Variants in PTPRN2 observed in about 807,000 individuals in gnomAD.
PTPRN2 encodes receptor-type tyrosine-protein phosphatase N2.
Under a neutral mutation model 118.8 loss-of-function variants are expected in PTPRN2, and 74 were observed. The observed-to-expected ratio is 0.62, with a 90% CI of 0.52 to 0.76. The LOEUF (loss-of-function observed/expected upper bound fraction) is 0.76, where lower values mean the gene tolerates loss of function less well. Among genes scored for constraint, PTPRN2 ranks in the 30% least tolerant of loss-of-function variants. PTPRN2 has a pLI of 0.00. For synonymous variants in PTPRN2, 641 were observed against 608.0 expected (o/e 1.05, Z -0.80); for missense variants, 1,481 against 1,394.4 (o/e 1.06, Z -0.99).
chr7:158,582,460 C>A (rs10242842), intron 1 of PTPRN2, among the ~76,000 whole-genome samples: 4 of 151,860 alleles, frequency 2.6e-5, no homozygotes, highest in Non-Finnish European at 5.9e-5. Flanking sequence ...TGGCTATGCA[C>A]GTAATCCCAG....
At chr7:158,126,234 G>C (rs10226569) in intron 9 of PTPRN2, among the ~76,000 whole-genome samples, 1 of 10,872 alleles carries the variant, frequency 9.2e-5, no homozygotes, top group Admixed American at 8.6e-4. Flanking sequence ...CATCCCCGGA[G>C]AGCGGGCGGC....
chr7:158,259,678 A>G (rs1047429489), intron 3 of PTPRN2, among the ~76,000 whole-genome samples: 1 of 152,064 alleles, frequency 6.6e-6, no homozygotes, highest in Non-Finnish European at 1.5e-5. Flanking sequence ...ACATGTATAT[A>G]TGCATGTGTT....
intron 13 of PTPRN2, among the ~76,000 whole-genome samples, chr7:157,664,157 A>G (rs1412759440): frequency 1.3e-5 from 2 of 152,264 alleles, no homozygotes; most frequent in Non-Finnish European, 2.9e-5. Flanking sequence ...ATTGAAAAGT[A>G]GCATCCACAC....
At chr7:157,572,605 T>C (rs564630712) in intron 19 of PTPRN2, among the ~76,000 whole-genome samples, 75 of 152,310 alleles carry the variant, frequency 4.9e-4, no homozygotes, top group African/African-American at 1.8e-3. Context: ...ACCACAGAGC[T>C]TTCTCCTCCT....
rs892261744 is a variant in PTPRN2, at chr7:158,310,379, G to A, written c.277+6440C>T. Among the ~76,000 whole-genome samples, 32 of 152,266 alleles carry A rather than the reference G, an allele frequency of 2.1e-4. 1 individual carries two copies. The highest frequency in any genetic ancestry group is 1.8e-3 in the Admixed American group (27 of 15,288). On this transcript the variant is annotated intron_variant, in intron 3 of 22. Coordinates refer to ENST00000389418, the MANE Select transcript of PTPRN2 (RefSeq NM_002847.5). ...TGGGAGGATGCAGACAGAGCATTCT[G>A]TGAGGCCTGGGAAAGGAGGAACACA...
intron 11 of PTPRN2, among the ~76,000 whole-genome samples, chr7:158,014,411 C>G (rs543860652): frequency 1.6e-4 from 24 of 151,850 alleles, no homozygotes; most frequent in Admixed American, 8.5e-4. Flanking sequence ...ACCCATTCAT[C>G]AAACAATCCA....
intron 11 of PTPRN2, among the ~76,000 whole-genome samples, chr7:158,013,730 CTCATCCACCCACCCGCCCAT>C (rs1475049217): frequency 3.3e-5 from 1 of 30,020 alleles, no homozygotes; most frequent in Non-Finnish European, 7.1e-5. Flanking sequence ...CAGCCACCCA[CTCATCCACCCACCCGCCCAT>C]CCATCCATCC....
intron 3 of PTPRN2, among the ~76,000 whole-genome samples, chr7:158,215,700 G>C (rs1827906406): frequency 6.6e-6 from 1 of 152,092 alleles, no homozygotes; most frequent in Non-Finnish European, 1.5e-5. Flanking sequence ...AGGCCACAAG[G>C]AAACAGCACA....
rs181517375 is a variant in PTPRN2 at position 157,539,580 on chromosome 7, G to T, written c.*1134C>A. ...AATCCGAATCATCTCTACGTGCTTA[G>T]GTTTACATGATGTCAAAACACGTGG... On this transcript the variant is annotated 3_prime_UTR_variant, in exon 23 of 23. Transcript: ENST00000389418. 1.9e-4 allele frequency: 29 copies of T among 152,342 alleles called. No individual in the cohort carries two copies. Among genetic ancestry groups the T allele is most frequent in the Admixed American group, 1.8e-3 (27 of 15,302 alleles). 9.4% of individuals were successfully genotyped at this position (152,342 alleles called of 1,614,324 possible). A position where few individuals can be genotyped will look rare whatever the true frequency, so the allele number is the denominator to read the frequency against.
chr7:158,028,116 T>G (rs1462947143), intron 11 of PTPRN2: 2 of 152,218 alleles, frequency 1.3e-5, no homozygotes, highest in Non-Finnish European at 2.9e-5. Flanking sequence ...CAGACAAGAA[T>G]CAGGGCCCAA....
chr7:157,658,264 A>T (rs1048618633), intron 13 of PTPRN2, among the ~76,000 whole-genome samples: 1 of 152,026 alleles, frequency 6.6e-6, no homozygotes, highest in African/African-American at 2.4e-5. Flanking sequence ...AAAAAGAAGA[A>T]CCTCATTCTG....
intron 12 of PTPRN2, among the ~76,000 whole-genome samples, chr7:157,723,299 C>T (rs566576863): frequency 6.6e-6 from 1 of 152,284 alleles, no homozygotes; most frequent in Non-Finnish European, 1.5e-5. Context: ...TCTGGTCTGG[C>T]CTGGCCTGAG....
At chr7:157,947,611 T>C (rs557495290) in intron 11 of PTPRN2, among the ~76,000 whole-genome samples, 5 of 152,304 alleles carry the variant, frequency 3.3e-5, no homozygotes, top group African/African-American at 1.2e-4. Flanking sequence ...TGGGCGAGAC[T>C]GGCTTTCCAG....
At chr7:158,114,329 C>G (rs1041668862) in intron 9 of PTPRN2, among the ~76,000 whole-genome samples, 8 of 152,168 alleles carry the variant, frequency 5.3e-5, no homozygotes, top group African/African-American at 1.7e-4. Flanking sequence ...CTGTGTTTCT[C>G]GTGGGTTCCC....
intron 10 of PTPRN2, 92 bp downstream of exon 10, chr7:158,110,709 TCTAAACAGGTTCCCTCATGTAATTAACA>T: frequency 2.1e-6 from 2 of 938,072 alleles, no homozygotes; most frequent in Non-Finnish European, 3.3e-6. Context: ...CTTTCACTTC[TCTAAACAGGTTCCCTCATGTAATTAACA>T]AGAGCCATGG....
chr7:158,015,007 T>C lies in PTPRN2; in HGVS notation c.1723+66291A>G, dbSNP rs892737. ...TTTTTAAGAGAATAAGAACTTCTCC[T>C]GAATATCATCTTTTCCCTTTTTGCT... is the stretch of plus-strand genomic sequence containing the variant. On this transcript the variant is annotated intron_variant, in intron 11 of 22. Transcript: ENST00000389418. The surrounding 1 kb of genome is among the most constrained non-coding windows in gnomAD (Gnocchi z 4.2). Among the ~76,000 whole-genome samples, 106,768 of 152,188 alleles carry C rather than the reference T, an allele frequency of 0.7. 37,624 individuals are homozygous for C. The highest frequency in any genetic ancestry group is 0.76 in the East Asian group (3,938 of 5,174).
intron 11 of PTPRN2, among the ~76,000 whole-genome samples, chr7:158,070,793 TG>T (rs1811287163): frequency 8.8e-6 from 1 of 113,732 alleles, no homozygotes; most frequent in Non-Finnish European, 1.7e-5. Flanking sequence ...CCCGTGGTGG[TG>T]GAGGTGCCCG....
At chr7:158,330,039 T>C (rs199771388) in intron 2 of PTPRN2, among the ~76,000 whole-genome samples, 34,604 of 117,246 alleles carry the variant, frequency 0.3, 3,972 homozygotes, top group Middle Eastern at 0.37. Flanking sequence ...AGGTGACATC[T>C]GCAGACGTCA....
chr7:157,685,199 C>T (rs1437753035), intron 12 of PTPRN2, among the ~76,000 whole-genome samples: 3 of 151,884 alleles, frequency 2.0e-5, no homozygotes, highest in Admixed American at 2.0e-4. Flanking sequence ...CCCCTCATCC[C>T]GGCCGGGCCG....
Sources: allele counts gnomAD v4.1 joint callset (sites outside exome capture counted in the v4.1 genomes callset), GRCh38; gene constraint gnomAD v4.1.1; non-coding constraint Gnocchi (gnomAD v3.1); transcripts MANE v1.5; gene names NCBI Gene and HGNC (gene_info 2026-07-23, HGNC 2026-07-21).